FGF14: variants seen among roughly 807,000 people sequenced by gnomAD.
FGF14 encodes the protein fibroblast growth factor 14.
Under a neutral mutation model 25.5 loss-of-function variants are expected in FGF14, and 5 were observed. That is an observed-to-expected ratio of 0.20 (90% CI 0.10 to 0.41). The LOEUF is 0.41. Ranked by LOEUF, FGF14 falls within the 10% of genes least tolerant of loss-of-function variation. The pLI is 1.00. For missense variants in FGF14, 222 were observed against 320.1 expected (o/e 0.69, Z 2.34); for synonymous variants, 138 against 118.3 (o/e 1.17, Z -1.08).
chr13:102,328,783 C>A (rs1469641950), intron 1 of FGF14, among the ~76,000 whole-genome samples: 1 of 152,174 alleles, frequency 6.6e-6, no homozygotes, highest in African/African-American at 2.4e-5. Context: ...AAATGGAGCC[C>A]TAACACTGCT....
At chr13:102,018,327 A>G (rs2040453605) in intron 1 of FGF14, among the ~76,000 whole-genome samples, 1 of 152,054 alleles carries the variant, frequency 6.6e-6, no homozygotes, top group Non-Finnish European at 1.5e-5. Flanking sequence ...CCAAATAACT[A>G]AAGGGAATTT....
At chr13:101,933,651 G>T (rs1271974464) in intron 1 of FGF14, among the ~76,000 whole-genome samples, 1 of 152,116 alleles carries the variant, frequency 6.6e-6, no homozygotes, top group Admixed American at 6.5e-5. Context: ...TTAAATCTGG[G>T]AGGCAGAGGT....
chr13:102,111,330 C>T (rs2045214104), intron 1 of FGF14, among the ~76,000 whole-genome samples: 1 of 152,182 alleles, frequency 6.6e-6, no homozygotes, highest in Admixed American at 6.5e-5. Flanking sequence ...TAGCCTAGTG[C>T]TTTGGGCAGA....
At chr13:102,339,452 T>C (rs1332618717) in intron 1 of FGF14, among the ~76,000 whole-genome samples, 6 of 152,114 alleles carry the variant, frequency 3.9e-5, no homozygotes, top group African/African-American at 1.4e-4. Flanking sequence ...ATTTTATAAC[T>C]GAAAGATGTA....
chr13:101,801,110 G>A (rs914033158), intron 3 of FGF14, among the ~76,000 whole-genome samples: 3 of 152,098 alleles, frequency 2.0e-5, no homozygotes, highest in Non-Finnish European at 2.9e-5. Context: ...ATCTCAAATC[G>A]CTATTTTGGC....
rs565986005 is a variant in FGF14 at position 102,242,410 on chromosome 13, C to G, written c.208+159061G>C. 2.0e-5 allele frequency among the ~76,000 whole-genome samples: 3 copies of G among 152,158 alleles called. No individual in the cohort carries two copies. In the East Asian group the frequency reaches 5.8e-4, roughly 29 times the overall value. ...AACAGAAATTAATTGGCTCCTGGCT[C>G]TGGAGGCTGGCAAGTCCAAGATCAG... On this transcript the variant is annotated intron_variant, in intron 1 of 4. Coordinates refer to the FGF14 transcript ENST00000376131.
Position 101,832,731 on chromosome 13 carries a change from G to T in FGF14, c.408+35994C>A, listed in dbSNP as rs1328509949. On this transcript the variant is annotated intron_variant, in intron 3 of 4. Transcript: ENST00000376143. ...ACCACTGCTCCATGATAATGATATT[G>T]AAGAGTGAAAAGGACATGAACTTTT... Among the ~76,000 whole-genome samples the T allele has an allele frequency of 2.0e-5, 3 of 152,154 alleles. No homozygotes were observed. In the East Asian group the frequency reaches 5.8e-4, roughly 29 times the overall value.
intron 3 of FGF14, among the ~76,000 whole-genome samples, chr13:101,797,781 G>A (rs1458844945): frequency 6.6e-6 from 1 of 151,056 alleles, no homozygotes; most frequent in African/African-American, 2.5e-5. Flanking sequence ...GTGTGTGTGT[G>A]TTCAACCTCA....
At chr13:102,035,652 T>A (rs188006140) in intron 1 of FGF14, among the ~76,000 whole-genome samples, 10 of 152,300 alleles carry the variant, frequency 6.6e-5, no homozygotes, top group South Asian at 2.1e-4. Context: ...TTTAGTTTCA[T>A]GAGGAAGGAA....
intron 1 of FGF14, chr13:102,292,416 T>C: frequency 6.6e-6 from 1 of 151,358 alleles, no homozygotes; most frequent in Non-Finnish European, 1.5e-5. Flanking sequence ...CAGGAAAGAG[T>C]AAGATCAGTA....
intron 1 of FGF14, among the ~76,000 whole-genome samples, chr13:101,923,510 G>C (rs996376886): frequency 6.6e-6 from 1 of 151,958 alleles, no homozygotes; most frequent in Non-Finnish European, 1.5e-5. Flanking sequence ...GTATGTACTT[G>C]GGGCAAATTT....
intron 1 of FGF14, among the ~76,000 whole-genome samples, chr13:101,896,582 A>G (rs552217729): frequency 1.3e-5 from 2 of 152,346 alleles, no homozygotes; most frequent in South Asian, 4.1e-4. Flanking sequence ...ACAGCGGGGA[A>G]TCTGAGTGGA....
intron 1 of FGF14, among the ~76,000 whole-genome samples, chr13:102,201,102 CAAAAAAAAAAAAAAAAA>C (rs60149871): frequency 8.0e-5 from 5 of 62,718 alleles, no homozygotes; most frequent in African/African-American, 2.6e-4. Context: ...CTCCGTCTCT[CAAAAAAAAAAAAAAAAA>C]AAAAAAAAAA....
At chr13:102,185,353 G>C (rs911500683) in intron 1 of FGF14, among the ~76,000 whole-genome samples, 1 of 152,128 alleles carries the variant, frequency 6.6e-6, no homozygotes, top group African/African-American at 2.4e-5. Flanking sequence ...ATACTGTATT[G>C]ATTTTGGAAA....
At chr13:101,741,621 CATTTT>C (rs939719929) in intron 3 of FGF14, among the ~76,000 whole-genome samples, 1 of 128,032 alleles carries the variant, frequency 7.8e-6, no homozygotes, top group African/African-American at 2.7e-5. Flanking sequence ...GTTATGCTCA[CATTTT>C]ATTACAGTAA....
intron 1 of FGF14, among the ~76,000 whole-genome samples, chr13:101,971,402 A>G (rs2037584537): frequency 6.7e-6 from 1 of 149,404 alleles, no homozygotes; most frequent in African/African-American, 2.5e-5. Context: ...AATGGGTCTC[A>G]CTCTGTCACC....
chr13:102,165,138 T>C (rs539335885), intron 1 of FGF14, among the ~76,000 whole-genome samples: 40 of 152,150 alleles, frequency 2.6e-4, no homozygotes, highest in African/African-American at 9.6e-4. Flanking sequence ...CCAGTTAGAA[T>C]GGCAATCATT....
chr13:102,130,551 A>C (rs664725), intron 1 of FGF14, among the ~76,000 whole-genome samples: 74,251 of 152,034 alleles, frequency 0.49, 20,127 homozygotes, highest in East Asian at 0.86. Context: ...TAAATTCAAT[A>C]TGCAAATTAA....
chr13:101,776,929 A>G (rs1472345272), intron 3 of FGF14, among the ~76,000 whole-genome samples: 1 of 152,152 alleles, frequency 6.6e-6, no homozygotes, highest in Non-Finnish European at 1.5e-5. Context: ...CAGGGTGGAA[A>G]GGGCAAGGGT....
Sources: gnomAD v4.1 joint callset for allele counts (sites outside exome capture counted in the v4.1 genomes callset) on GRCh38, gnomAD v4.1.1 for gene constraint, MANE v1.5 for transcripts, NCBI Gene and HGNC (gene_info 2026-07-23, HGNC 2026-07-21) for gene names.